Variants in USH2A observed in about 807,000 individuals in gnomAD.
USH2A encodes usherin.
A neutral mutation model predicts 538.9 loss-of-function variants in USH2A; 443 were observed. That is an observed-to-expected ratio of 0.82 (90% CI 0.76 to 0.89). The LOEUF is 0.89. Ranked by LOEUF, USH2A falls within the 40% of genes least tolerant of loss-of-function variation. The probability of loss-of-function intolerance (pLI) is 0.00; values close to 1 mark genes in which losing one functional copy is unlikely to be tolerated. For synonymous variants in USH2A, 2,413 were observed against 2,273.5 expected (o/e 1.06, Z -1.75); for missense variants, 6,633 against 6,324.8 (o/e 1.05, Z -1.65).
intron 44 of USH2A, among the ~76,000 whole-genome samples, chr1:215,862,004 CA>C (rs536301838): frequency 3.9e-5 from 6 of 151,928 alleles, no homozygotes; most frequent in African/African-American, 1.4e-4. Context: ...CACACCTGGC[CA>C]ATTTTTGTAT....
intron 40 of USH2A, among the ~76,000 whole-genome samples, chr1:215,891,055 T>C (rs1443763174): frequency 6.6e-6 from 1 of 152,142 alleles, no homozygotes; most frequent in East Asian, 1.9e-4. Flanking sequence ...AATGATGCAG[T>C]TTGTTCTCTG....
intron 19 of USH2A, among the ~76,000 whole-genome samples, chr1:216,192,439 C>T (rs192722515): frequency 6.6e-6 from 1 of 152,034 alleles, no homozygotes; most frequent in Non-Finnish European, 1.5e-5. Context: ...TGCCTGTAAT[C>T]CCAGTATTTT....
chr1:216,073,160 A>T lies in USH2A; in HGVS notation c.5713T>A (p.Ser1905Thr). 6.2e-7 allele frequency: 1 copy of T among 1,613,888 alleles called. No homozygotes were observed. Among genetic ancestry groups the T allele is most frequent in the East Asian group, 2.2e-5 (1 of 44,856 alleles). Residue 1905 changes from serine (S) to threonine (T), a missense_variant, in exon 28 of 72, where the codon TCC becomes ACC. By Grantham distance (58) the Ser-to-Thr change is moderately conservative (BLOSUM62 1). Coordinates refer to ENST00000307340, the MANE Select transcript of USH2A (RefSeq NM_206933.4). ...DSAVNCRGND[S>T]ILVYQGKEQS... ...TCTTTTCCCTGGTAAACCAGGATGGAGTCATTTCCCCTGCAGTTAACAGCA... is the reference window on the plus strand; with the variant it reads ...TCTTTTCCCTGGTAAACCAGGATGGTGTCATTTCCCCTGCAGTTAACAGCA...
intron 32 of USH2A, among the ~76,000 whole-genome samples, chr1:216,044,437 G>T (rs1466387480): frequency 6.6e-6 from 1 of 152,034 alleles, no homozygotes; most frequent in Non-Finnish European, 1.5e-5. Context: ...TCCTTCCATG[G>T]TGTGATTTAA....
At chr1:216,232,944 T>C (rs181608467) in intron 13 of USH2A, among the ~76,000 whole-genome samples, 6 of 152,274 alleles carry the variant, frequency 3.9e-5, no homozygotes, top group Admixed American at 2.6e-4. Flanking sequence ...CCTAAAATGG[T>C]AGAGTTAATG....
At position 216,097,122 on chromosome 1, in the gene USH2A, C is replaced by G; in HGVS notation, c.4719G>C (p.Gln1573His). 1 of 1,614,118 alleles carries G rather than the reference C, an allele frequency of 6.2e-7. No individual in the cohort carries two copies. Among genetic ancestry groups the G allele is most frequent in the Non-Finnish European group, 8.5e-7 (1 of 1,180,012 alleles). Residue 1573 changes from glutamine (Q) to histidine (H), a missense_variant, in exon 22 of 72, where the codon CAG (glutamine) becomes CAC (histidine). Gln to His is a conservative substitution (Grantham distance 24). Transcript: ENST00000307340. The part of the protein sequence containing the change: ...PGNQEEYFAL[Q>H]LKKGRLYFLF... ...GAAAATAAAGACGTCCCTTCTTCAA[C>G]TGAAGTGCAAAATACTCTTCCTGAT...
rs879553492 is a variant in USH2A, at chr1:216,169,968, C to T, written c.4627+5284G>A. 5.3e-5 allele frequency among the ~76,000 whole-genome samples: 8 copies of T among 151,442 alleles called. No homozygotes were observed. The East Asian group carries it at 5.8e-4, about 11-fold the overall frequency. Reference sequence around the variant, plus strand: ...TGTTTTGTTTTTTATTTTTTTCAAGCGCTTTCTGTCAAAATACTTGCTCCC... The same window carrying T: ...TGTTTTGTTTTTTATTTTTTTCAAGTGCTTTCTGTCAAAATACTTGCTCCC... On this transcript the variant is annotated intron_variant, in intron 21 of 71. Transcript: ENST00000307340.
At chr1:215,915,467 G>T (rs901377547) in intron 38 of USH2A, among the ~76,000 whole-genome samples, 8 of 152,034 alleles carry the variant, frequency 5.3e-5, no homozygotes, top group African/African-American at 1.9e-4. Context: ...TGGAGTAGAG[G>T]TTTGAAGAAA....
In USH2A at chr1:216,073,253, C is replaced by T. The variant is rs200923150; in HGVS notation, c.5620G>A (p.Val1874Ile). The T allele has an allele frequency of 3.9e-5, 63 of 1,613,808 alleles. No individual in the cohort carries two copies. The highest frequency in any genetic ancestry group is 4.8e-5 in the Non-Finnish European group (57 of 1,179,894). ...KDVKFTRGAVVNLASVSSGAV... is the reference protein window; with the variant it reads ...KDVKFTRGAVINLASVSSGAV... ...CCGCTGGACACAGATGCCAAGTTAACGACAGCACCCCGTGTAAATTTAACA... is the reference window on the plus strand; with the variant it reads ...CCGCTGGACACAGATGCCAAGTTAATGACAGCACCCCGTGTAAATTTAACA... Residue 1874 changes from valine (V) to isoleucine (I), a missense_variant, in exon 28 of 72, where the codon GTT becomes ATT. By Grantham distance (29) the Val-to-Ile change is conservative. Transcript: ENST00000307340.
intron 22 of USH2A, 134 bp downstream of exon 22, chr1:216,096,948 GC>G (rs2032454412): frequency 1.0e-6 from 1 of 962,948 alleles, no homozygotes; most frequent in Non-Finnish European, 1.5e-6. Context: ...TTCTTGATTG[GC>G]AAAATGGGGA....
intron 37 of USH2A, among the ~76,000 whole-genome samples, chr1:215,959,012 A>G (rs1667135926): frequency 6.6e-6 from 1 of 152,038 alleles, no homozygotes. Flanking sequence ...GTAAGCTTCC[A>G]CCTTAGGACT....
rs772294505 is a variant in USH2A, at chr1:216,251,102, G to A, written c.1972-4C>T. ...TACAATTACACTGTCCTCCAATCTA[G>A]AGAAGATACAACATTTTGTAGAATG... is the stretch of plus-strand genomic sequence containing the variant. On this transcript the variant is annotated splice_region_variant and splice_polypyrimidine_tract_variant and intron_variant, in intron 11 of 71. Transcript: ENST00000307340. 1.4e-5 allele frequency: 22 copies of A among 1,613,662 alleles called. No individual in the cohort carries two copies. In the East Asian group the frequency reaches 4.2e-4, roughly 31 times the overall value.
intron 14 of USH2A, among the ~76,000 whole-genome samples, chr1:216,230,098 G>A (rs1351552364): frequency 2.0e-5 from 3 of 152,186 alleles, no homozygotes; most frequent in Non-Finnish European, 4.4e-5. Flanking sequence ...AAATGGCACT[G>A]ATGGGAATGA....
At chr1:216,157,127 C>T (rs1202698999) in intron 21 of USH2A, among the ~76,000 whole-genome samples, 2 of 152,150 alleles carry the variant, frequency 1.3e-5, no homozygotes, top group Non-Finnish European at 2.9e-5. Flanking sequence ...CCACCTCGGC[C>T]TCCCAAAGTG....
intron 50 of USH2A, among the ~76,000 whole-genome samples, chr1:215,791,089 C>T (rs1208903199): frequency 1.3e-5 from 2 of 152,142 alleles, no homozygotes; most frequent in Non-Finnish European, 2.9e-5. Context: ...TAATTACCTG[C>T]ATTTGCATCA....
chr1:215,716,544 A>G (rs1659494018), intron 61 of USH2A, among the ~76,000 whole-genome samples: 1 of 152,232 alleles, frequency 6.6e-6, no homozygotes, highest in African/African-American at 2.4e-5. Context: ...ATCACCCAAT[A>G]GGAATTTGTA....
Position 215,836,518 on chromosome 1 carries a change from A to ATAAT in USH2A, c.9371+1472_9371+1473insATTA, listed in dbSNP as rs1484491166. Among the ~76,000 whole-genome samples the ATAAT allele has an allele frequency of 1.5e-4, 4 of 26,342 alleles. 1 individual carries two copies. The highest frequency in any genetic ancestry group is 5.0e-4 in the African/African-American group (4 of 8,040). 17.3% of individuals were successfully genotyped at this position (26,342 alleles called of 152,430 possible). On this transcript the variant is annotated intron_variant, in intron 47 of 71. Transcript: ENST00000307340. Reference sequence around the variant, plus strand: ...TATATAATATATATTATATATATATAATATATATTATATATATATATATAA... The same window carrying ATAAT: ...TATATAATATATATTATATATATATATAATATATATATTATATATATATATATAA...
intron 13 of USH2A, among the ~76,000 whole-genome samples, chr1:216,239,593 A>G (rs947986207): frequency 6.6e-6 from 1 of 152,198 alleles, no homozygotes; most frequent in African/African-American, 2.4e-5. Context: ...ATTATTAAAG[A>G]ATATCAACTT....
At chr1:215,979,100 G>A (rs12071757) in intron 35 of USH2A, among the ~76,000 whole-genome samples, 19,247 of 152,142 alleles carry the variant, frequency 0.13, 2,046 homozygotes, top group African/African-American at 0.29. Context: ...GCAGAAGGTG[G>A]AGGAGGAGCA....
Sources: gnomAD v4.1 joint callset for allele counts (sites outside exome capture counted in the v4.1 genomes callset) on GRCh38, gnomAD v4.1.1 for gene constraint, MANE v1.5 for transcripts, NCBI Gene and HGNC (gene_info 2026-07-23, HGNC 2026-07-21) for gene names.